OSGEPL1: variants seen among roughly 807,000 people sequenced by gnomAD.
OSGEPL1 encodes O-sialoglycoprotein endopeptidase like 1.
In OSGEPL1, 26 loss-of-function variants were observed where a neutral mutation model predicts 37.2. The ratio of observed to expected loss-of-function variants is 0.70; its 90% CI spans 0.51 to 0.97. The LOEUF is 0.97. Among genes scored for constraint, OSGEPL1 ranks in the 50% least tolerant of loss-of-function variants. OSGEPL1 has a pLI of 0.00. For missense variants in OSGEPL1, 404 were observed against 487.0 expected, an observed-to-expected ratio of 0.83 and a Z score of 1.60; for synonymous variants, 140 against 159.9, an observed-to-expected ratio of 0.88 and a Z score of 0.94.
intron 8 of OSGEPL1, among the ~76,000 whole-genome samples, chr2:189,749,308 A>G (rs1225076): frequency 0.018 from 2,540 of 144,118 alleles, 92 homozygotes; most frequent in African/African-American, 0.061. Context: ...TTTTTAAACA[A>G]TGTGTGAAAA....
In OSGEPL1 at chr2:189,754,357, A is replaced by G. The variant is rs1471233502; in HGVS notation, c.610-12T>C. On this transcript the variant is annotated splice_polypyrimidine_tract_variant and intron_variant, in intron 3 of 8. Transcript: ENST00000264151. ...AGTCTTCTTGCCACCTATCAAAGAA[A>G]CATATTTTTTAGAGTCATAAAATTA... 6.3e-7 allele frequency: 1 copy of G among 1,583,322 alleles called. No individual in the cohort carries two copies. The highest frequency in any genetic ancestry group is 8.6e-7 in the Non-Finnish European group (1 of 1,165,176).
intron 2 of OSGEPL1, 48 bp from the exon 3 acceptor site, chr2:189,755,608 G>GGGCCGGGCGCGGTGGCTC: frequency 6.5e-7 from 1 of 1,543,810 alleles, no homozygotes; most frequent in Non-Finnish European, 8.7e-7. Context: ...TTGTAAAAAT[G>GGGCCGGGCGCGGTGGCTC]AAGAAAAATG....
chr2:189,748,466 C>G (rs1252575937), intron 8 of OSGEPL1, among the ~76,000 whole-genome samples: 1 of 152,192 alleles, frequency 6.6e-6, no homozygotes, highest in Non-Finnish European at 1.5e-5. Context: ...TCAAGTGATC[C>G]TCCTCCCTTG....
intron 1 of OSGEPL1, chr2:189,762,453 C>T: frequency 7.1e-6 from 3 of 423,030 alleles, no homozygotes; most frequent in Non-Finnish European, 9.5e-6. Flanking sequence ...GCGGGCAGTG[C>T]AGCCCAGACA....
At chr2:189,761,275 T>C (rs1465075625) in intron 2 of OSGEPL1, 145 bp downstream of exon 2, 22 of 766,522 alleles carry the variant, frequency 2.9e-5, no homozygotes, top group East Asian at 6.2e-5. Context: ...GATGAAGTGT[T>C]TGAGGTTTTC....
chr2:189,753,011 CAT>C (rs1178644390), intron 5 of OSGEPL1, 32 bp from the exon 6 acceptor site: 1 of 1,573,246 alleles, frequency 6.4e-7, no homozygotes. Flanking sequence ...AAATAACTAT[CAT>C]ATATGGATAT....
intron 2 of OSGEPL1, among the ~76,000 whole-genome samples, chr2:189,758,690 T>G (rs946138687): frequency 6.6e-6 from 1 of 152,236 alleles, no homozygotes; most frequent in Non-Finnish European, 1.5e-5. Flanking sequence ...ACACCTGTGA[T>G]GTGTCAAACA....
chr2:189,762,745 G>C lies in OSGEPL1; in HGVS notation c.-81C>G, dbSNP rs547799537. 62 of 985,532 alleles carry C rather than the reference G, an allele frequency of 6.3e-5. No homozygotes were observed. The African/African-American group carries it at 1.0e-3, about 16-fold the overall frequency. 61.0% of individuals were successfully genotyped at this position (985,532 alleles called of 1,614,324 possible). A position where few individuals can be genotyped will look rare whatever the true frequency, so the allele number is the denominator to read the frequency against. On this transcript the variant is annotated 5_prime_UTR_variant, in exon 1 of 9. Coordinates refer to ENST00000264151, the MANE Select transcript of OSGEPL1 (RefSeq NM_022353.3). ...CTTTCCCTACTAAAGACTGTCGACT[G>C]CCCTTATCGCTGCAGGAGAAAGCCC...
chr2:189,747,730 T>C (rs1574818108), intron 8 of OSGEPL1, among the ~76,000 whole-genome samples: 1 of 152,196 alleles, frequency 6.6e-6, no homozygotes. Context: ...TCTTGCTCTG[T>C]CACCCAGGCT....
At position 189,750,593 on chromosome 2, in the gene OSGEPL1, T is replaced by G; in HGVS notation, c.1230A>C (p.Leu410Phe). 6.3e-7 allele frequency: 1 copy of G among 1,581,696 alleles called. No homozygotes were observed. The highest frequency in any genetic ancestry group is 1.3e-5 in the African/African-American group (1 of 74,614). The change falls in exon 8 of 9, where the codon TTA becomes TTC. Residue 410 changes from leucine to phenylalanine, a missense_variant. Coordinates refer to ENST00000264151, the MANE Select transcript of OSGEPL1 (RefSeq NM_022353.3). Reference protein sequence around the residue: ...VGEASIKVPQLKMEI With the variant: ...VGEASIKVPQFKMEI ...ACAGCAGAAATCATATCTCCATTTT[T>G]AATTGTGGTACTTTTATGGAAGCTT... is the stretch of plus-strand genomic sequence containing the variant.
In OSGEPL1 at chr2:189,755,573, A is replaced by C; in HGVS notation, c.222-13T>G. ...AATCCCACCTGTTCTGAAAGAAAGA[A>C]AGACAGCATTTTGTAGTTTTAAGAT... On this transcript the variant is annotated splice_polypyrimidine_tract_variant and intron_variant, in intron 2 of 8. Coordinates refer to ENST00000264151, the MANE Select transcript of OSGEPL1 (RefSeq NM_022353.3). 1 of 1,575,030 alleles carries C rather than the reference A, an allele frequency of 6.3e-7. No homozygotes were observed. Among genetic ancestry groups the C allele is most frequent in the Non-Finnish European group, 8.5e-7 (1 of 1,170,522 alleles).
intron 1 of OSGEPL1, 67 bp downstream of exon 1, chr2:189,762,618 A>G (rs1186711226): frequency 9.1e-6 from 9 of 985,320 alleles, no homozygotes; most frequent in Non-Finnish European, 1.1e-5. Flanking sequence ...CGACGGGCGC[A>G]AACTGGAACC....
chr2:189,763,164 C>T, upstream of OSGEPL1: 2 of 985,102 alleles, frequency 2.0e-6, no homozygotes, highest in Non-Finnish European at 2.4e-6. Flanking sequence ...GGGTGAGGTA[C>T]CTGATACTTT....
intron 2 of OSGEPL1, among the ~76,000 whole-genome samples, chr2:189,756,763 T>A (rs963374513): frequency 1.3e-4 from 20 of 152,194 alleles, no homozygotes; most frequent in African/African-American, 4.8e-4. Context: ...CATCTCAGTC[T>A]GTTCAACAGT....
At chr2:189,758,660 G>A (rs1415097268) in intron 2 of OSGEPL1, among the ~76,000 whole-genome samples, 1 of 152,130 alleles carries the variant, frequency 6.6e-6, no homozygotes, top group Non-Finnish European at 1.5e-5. Flanking sequence ...TTCACTGAAG[G>A]CCTAACGAAA....
At chr2:189,762,825 C>G, upstream of OSGEPL1, 1 of 985,488 alleles carries the variant, frequency 1.0e-6, no homozygotes, top group African/African-American at 1.7e-5. Context: ...CCGTCCAGAG[C>G]TGGCTGCTGT....
chr2:189,753,845 G>T (rs185356164), intron 5 of OSGEPL1, 71 bp downstream of exon 5: 66 of 1,506,800 alleles, frequency 4.4e-5, no homozygotes, highest in Non-Finnish European at 5.6e-5. Context: ...CTAAACACAA[G>T]GTCAAGGTCT....
chr2:189,759,353 A>G (rs13404356), intron 2 of OSGEPL1, among the ~76,000 whole-genome samples: 5,122 of 151,370 alleles, frequency 0.034, 296 homozygotes, highest in African/African-American at 0.12. Context: ...GGTTCACGCC[A>G]TTCTCCTGCC....
chr2:189,749,018 G>A (rs1377797990), intron 8 of OSGEPL1, among the ~76,000 whole-genome samples: 2 of 151,954 alleles, frequency 1.3e-5, no homozygotes, highest in Admixed American at 6.6e-5. Flanking sequence ...AGGCCAAGGC[G>A]GGTGGATCAC....
Sources: gnomAD v4.1 joint callset for allele counts (sites outside exome capture counted in the v4.1 genomes callset) on GRCh38, gnomAD v4.1.1 for gene constraint, MANE v1.5 for transcripts, NCBI Gene and HGNC (gene_info 2026-07-23, HGNC 2026-07-21) for gene names.